Variants in XRCC4 observed in about 807,000 individuals in gnomAD.
XRCC4 encodes the protein DNA repair protein XRCC4.
Under a neutral mutation model 39.1 loss-of-function variants are expected in XRCC4, and 28 were observed. The observed-to-expected ratio is 0.72, with a 90% CI of 0.53 to 0.98. The LOEUF (loss-of-function observed/expected upper bound fraction) is 0.98. Ranked by LOEUF, XRCC4 falls within the 50% of genes least tolerant of loss-of-function variation. XRCC4 has a pLI of 0.00. For missense variants in XRCC4, 350 were observed against 376.4 expected (o/e 0.93, Z 0.58); for synonymous variants, 123 against 126.4 (o/e 0.97, Z 0.18).
chr5:83,106,045 G>A (rs28383142), intron 2 of XRCC4, among the ~76,000 whole-genome samples: 5,955 of 152,146 alleles, frequency 0.039, 196 homozygotes, highest in South Asian at 0.15. Flanking sequence ...TGTTGATGTA[G>A]GGATTCCTGT....
intron 6 of XRCC4, among the ~76,000 whole-genome samples, chr5:83,224,352 T>G (rs1441408331): frequency 1.5e-4 from 23 of 152,158 alleles, no homozygotes; most frequent in Non-Finnish European, 1.2e-4. Flanking sequence ...ACAGTTTACT[T>G]TAAGCTGGTA....
intron 3 of XRCC4, among the ~76,000 whole-genome samples, chr5:83,121,714 A>G (rs1747016151): frequency 6.6e-6 from 1 of 152,132 alleles, no homozygotes; most frequent in South Asian, 2.1e-4. Flanking sequence ...AACTTTGAGG[A>G]ACTTACTTTT....
At chr5:83,301,186 A>G (rs1755271710) in intron 7 of XRCC4, among the ~76,000 whole-genome samples, 1 of 151,834 alleles carries the variant, frequency 6.6e-6, no homozygotes, top group Non-Finnish European at 1.5e-5. Context: ...ACTAATTTAC[A>G]CTCCCAGCAA....
chr5:83,245,097 T>C (rs1399014782), intron 6 of XRCC4, among the ~76,000 whole-genome samples: 1 of 152,162 alleles, frequency 6.6e-6, no homozygotes, highest in African/African-American at 2.4e-5. Flanking sequence ...AAATCACTTG[T>C]GTTGAGAAAA....
intron 3 of XRCC4, among the ~76,000 whole-genome samples, chr5:83,192,295 T>A (rs1750739239): frequency 7.6e-6 from 1 of 131,188 alleles, no homozygotes; most frequent in African/African-American, 2.8e-5. Flanking sequence ...TACGTATGTA[T>A]ACGTATATAT....
intron 1 of XRCC4, among the ~76,000 whole-genome samples, chr5:83,082,007 C>A (rs1485742246): frequency 6.6e-6 from 1 of 152,032 alleles, no homozygotes; most frequent in Non-Finnish European, 1.5e-5. Flanking sequence ...TCCTTCCTTT[C>A]TCTTGTATTC....
At chr5:83,144,981 C>T (rs1017042012) in intron 3 of XRCC4, among the ~76,000 whole-genome samples, 8 of 152,028 alleles carry the variant, frequency 5.3e-5, no homozygotes, top group Non-Finnish European at 7.4e-5. Context: ...CTGCAAGCTC[C>T]GCCTCCCGAG....
chr5:83,188,647 T>C lies in XRCC4; in HGVS notation c.316-7123T>C, dbSNP rs187263804. 8.6e-4 allele frequency among the ~76,000 whole-genome samples: 131 copies of C among 152,192 alleles called. No individual in the cohort carries two copies. The Middle Eastern group carries it at 0.01, about 12-fold the overall frequency. ...GGCAGAAGATGATGGAGAACTGGCA[T>C]GTCACATGGCAAGAGTGGGGGCAAG... On this transcript the variant is annotated intron_variant, in intron 3 of 7. Transcript: ENST00000396027.
At chr5:83,245,235 A>G (rs199835344) in intron 6 of XRCC4, among the ~76,000 whole-genome samples, 2 of 117,262 alleles carry the variant, frequency 1.7e-5, no homozygotes, top group Non-Finnish European at 3.2e-5. Flanking sequence ...TGTTTTGGTT[A>G]AAAAAAAAAA....
At chr5:83,116,031 A>G (rs1247514340) in intron 3 of XRCC4, among the ~76,000 whole-genome samples, 1 of 152,166 alleles carries the variant, frequency 6.6e-6, no homozygotes, top group Admixed American at 6.5e-5. Context: ...AGTATTCAGG[A>G]TGTGCTTCTG....
At chr5:83,288,990 T>C (rs1460382384) in intron 7 of XRCC4, among the ~76,000 whole-genome samples, 2 of 151,910 alleles carry the variant, frequency 1.3e-5, no homozygotes, top group African/African-American at 2.4e-5. Context: ...TTTCAGTTTA[T>C]ATCATTTTTT....
the XRCC4 span, among the ~76,000 whole-genome samples, chr5:83,372,466 C>T: frequency 6.6e-6 from 1 of 152,128 alleles, no homozygotes; most frequent in Admixed American, 6.5e-5. Context: ...CAATCATAAG[C>T]CTGTCCTACT....
chr5:83,125,537 C>T (rs6452507), intron 3 of XRCC4, among the ~76,000 whole-genome samples: 74,098 of 151,596 alleles, frequency 0.49, 18,991 homozygotes, highest in African/African-American at 0.63. Flanking sequence ...AGACTCTTCT[C>T]TCTCCATTAA....
At chr5:83,247,202 G>A (rs1753136793) in intron 6 of XRCC4, among the ~76,000 whole-genome samples, 1 of 152,128 alleles carries the variant, frequency 6.6e-6, no homozygotes, top group South Asian at 2.1e-4. Flanking sequence ...AAGGATTTGG[G>A]GCTATTGACA....
At chr5:83,320,383 A>T (rs184394812) in intron 7 of XRCC4, among the ~76,000 whole-genome samples, 4,783 of 149,800 alleles carry the variant, frequency 0.032, 217 homozygotes, top group African/African-American at 0.099. Context: ...AAAAAATAAT[A>T]AAAAAATAAA....
At chr5:83,235,185 A>G (rs1302380830) in intron 6 of XRCC4, among the ~76,000 whole-genome samples, 1 of 151,662 alleles carries the variant, frequency 6.6e-6, no homozygotes, top group Non-Finnish European at 1.5e-5. Flanking sequence ...AAATACAAAA[A>G]TTAGCTGGGC....
intron 7 of XRCC4, among the ~76,000 whole-genome samples, chr5:83,349,172 C>A (rs958294565): frequency 6.6e-6 from 1 of 152,130 alleles, no homozygotes; most frequent in Non-Finnish European, 1.5e-5. Context: ...TATAGCAATG[C>A]CCCACTTCTC....
At chr5:83,255,664 A>G (rs886269119) in intron 6 of XRCC4, among the ~76,000 whole-genome samples, 6 of 152,220 alleles carry the variant, frequency 3.9e-5, no homozygotes, top group Admixed American at 3.9e-4. Context: ...TATTAACTAA[A>G]TATTTACTTG....
At chr5:83,205,430 T>G (rs1268290554) in intron 6 of XRCC4, among the ~76,000 whole-genome samples, 1 of 149,000 alleles carries the variant, frequency 6.7e-6, no homozygotes, top group African/African-American at 2.5e-5. Context: ...TAGTACAAAG[T>G]ACCTATGACT....
Sources: gnomAD v4.1 joint callset for allele counts (sites outside exome capture counted in the v4.1 genomes callset) on GRCh38, gnomAD v4.1.1 for gene constraint, MANE v1.5 for transcripts, NCBI Gene and HGNC (gene_info 2026-07-23, HGNC 2026-07-21) for gene names.